Variants in DLGAP4 observed in about 807,000 individuals in gnomAD.
DLGAP4 encodes disks large-associated protein 4.
Under a neutral mutation model 86.9 loss-of-function variants are expected in DLGAP4, and 18 were observed. The ratio of observed to expected loss-of-function variants is 0.21; its 90% CI spans 0.14 to 0.31. The LOEUF (loss-of-function observed/expected upper bound fraction) is 0.31, where lower values mean the gene tolerates loss of function less well. DLGAP4 is among the 10% of genes least tolerant of loss of function. The pLI is 1.00. For missense variants in DLGAP4, 1,085 were observed against 1,362.6 expected, an observed-to-expected ratio of 0.80 and a Z score of 3.21; for synonymous variants, 548 against 574.3, an observed-to-expected ratio of 0.95 and a Z score of 0.65.
chr20:36,523,205 A>G (rs781480775), intron 10 of DLGAP4, among the ~76,000 whole-genome samples: 1 of 152,056 alleles, frequency 6.6e-6, no homozygotes, highest in Non-Finnish European at 1.5e-5. Context: ...GATGCGCACT[A>G]GCACACCCAG....
intron 7 of DLGAP4, chr20:36,461,639 CCG>C: frequency 1.1e-6 from 1 of 924,918 alleles, no homozygotes; most frequent in Non-Finnish European, 1.3e-6. Flanking sequence ...AGCCGCGGCC[CCG>C]CGAGGAGACG....
intron 2 of DLGAP4, among the ~76,000 whole-genome samples, chr20:36,403,020 A>C (rs975314627): frequency 6.6e-6 from 1 of 152,214 alleles, no homozygotes; most frequent in Non-Finnish European, 1.5e-5. Context: ...AGAAAAGAGG[A>C]CAGAAAGAGG....
intron 10 of DLGAP4, among the ~76,000 whole-genome samples, chr20:36,517,335 G>A (rs1454326158): frequency 8.5e-5 from 13 of 152,080 alleles, no homozygotes; most frequent in South Asian, 2.1e-4. Flanking sequence ...CTGAGATTGC[G>A]CCACTGCACT....
intron 7 of DLGAP4, among the ~76,000 whole-genome samples, chr20:36,467,024 CTCT>C (rs2034418786): frequency 4.3e-5 from 1 of 23,154 alleles, no homozygotes; most frequent in Non-Finnish European, 1.5e-4. Flanking sequence ...TCTCCTCTCT[CTCT>C]CTCTCTCTCT....
intron 2 of DLGAP4, among the ~76,000 whole-genome samples, chr20:36,394,326 G>A (rs999780863): frequency 3.8e-4 from 58 of 152,288 alleles, no homozygotes; most frequent in East Asian, 1.9e-4. Flanking sequence ...CTGAGGAAGC[G>A]CTGGCTGGAT....
chr20:36,376,840 A>C (rs1283243872), intron 2 of DLGAP4, among the ~76,000 whole-genome samples: 2 of 152,152 alleles, frequency 1.3e-5, no homozygotes, highest in African/African-American at 4.8e-5. Context: ...AGAGGTGATG[A>C]TAGTGCTGCC....
At position 36,431,867 on chromosome 20, in the gene DLGAP4, C is replaced by G. The variant is rs376682966; in HGVS notation, c.150C>G (p.Asn50Lys). Reference sequence around the variant, plus strand: ...GCGAGGCCCGCTTCCCCGGGCAGAACACCCTGCCAGGAGATGGCCTCTTTC... The same window carrying G: ...GCGAGGCCCGCTTCCCCGGGCAGAAGACCCTGCCAGGAGATGGCCTCTTTC... Reference protein sequence around the residue: ...FAREARFPGQNTLPGDGLFPL... With the variant: ...FAREARFPGQKTLPGDGLFPL... The change falls in exon 3 of 13, where the codon AAC becomes AAG. Residue 50 changes from asparagine (N) to lysine (K), a missense_variant. Asn to Lys is a moderately conservative substitution (Grantham distance 94). Around this residue, in one of 2 missense-constraint regions of DLGAP4, gnomAD observed 1,082 missense variants for 1,344.1 expected, o/e 0.81. Transcript: ENST00000339266. This position sits in a 1 kb window ranked among gnomAD's most constrained non-coding sequence, Gnocchi z 5.1. 2 of 1,613,990 alleles carry G rather than the reference C, an allele frequency of 1.2e-6. No homozygotes were observed. The highest frequency in any genetic ancestry group is 2.2e-5 in the East Asian group (1 of 44,888).
At chr20:36,523,687 T>C (rs918626862) in intron 10 of DLGAP4, among the ~76,000 whole-genome samples, 1 of 152,154 alleles carries the variant, frequency 6.6e-6, no homozygotes, top group African/African-American at 2.4e-5. Flanking sequence ...ATTTTGAGAC[T>C]GAGTCTCCCT....
Position 36,432,574 on chromosome 20 carries a change from C to T in DLGAP4, c.857C>T (p.Thr286Ile), listed in dbSNP as rs781438100. ...TCPSLGVGTD[T>I]NYVKRGSWST... The stretch of plus-strand genomic sequence containing the variant: ...CCCAGCCTTGGGGTGGGCACTGACA[C>T]CAACTACGTCAAACGGGGCTCCTGG... Residue 286 changes from threonine to isoleucine, a missense_variant, in exon 3 of 13, where the codon ACC becomes ATC. Around this residue, in one of 2 missense-constraint regions of DLGAP4, gnomAD observed 1,082 missense variants for 1,344.1 expected, o/e 0.81. Transcript: ENST00000339266. The surrounding 1 kb of genome is among the most constrained non-coding windows in gnomAD (Gnocchi z 6.5). 2.5e-6 allele frequency: 4 copies of T among 1,610,824 alleles called. No individual in the cohort carries two copies. The African/African-American group carries it at 4.0e-5, about 16-fold the overall frequency.
intron 10 of DLGAP4, among the ~76,000 whole-genome samples, chr20:36,501,992 T>C (rs187753231): frequency 3.9e-5 from 6 of 152,322 alleles, no homozygotes; most frequent in African/African-American, 1.2e-4. Context: ...CCACTTTCAG[T>C]TTTTACTAGC....
At chr20:36,370,510 G>T (rs2030885530) in intron 2 of DLGAP4, among the ~76,000 whole-genome samples, 1 of 151,834 alleles carries the variant, frequency 6.6e-6, no homozygotes, top group African/African-American at 2.4e-5. Context: ...TAAAGGATAG[G>T]AGTGGGACGT....
chr20:36,436,815 CAA>C (rs556657516), intron 4 of DLGAP4, among the ~76,000 whole-genome samples: 6 of 110,372 alleles, frequency 5.4e-5, no homozygotes, highest in Admixed American at 9.9e-5. Flanking sequence ...GACTCCGTCT[CAA>C]AAAAAAAAAA....
rs557925339 is a variant in DLGAP4 at position 36,502,351 on chromosome 20, T to A, written c.2512+1740T>A. 1.8e-4 allele frequency among the ~76,000 whole-genome samples: 28 copies of A among 152,352 alleles called. No homozygotes were observed. In the South Asian group the frequency reaches 2.3e-3, roughly 12 times the overall value. On this transcript the variant is annotated intron_variant, in intron 10 of 12. Coordinates refer to ENST00000339266, the MANE Select transcript of DLGAP4 (RefSeq NM_001365621.2). ...AAAATACACTCCATTTGCTAAATTTTAAAAAAATTTTTTAAGAGACATGGC... is the reference window on the plus strand; with the variant it reads ...AAAATACACTCCATTTGCTAAATTTAAAAAAAATTTTTTAAGAGACATGGC...
chr20:36,323,313 C>T (rs1275784022), intron 1 of DLGAP4, among the ~76,000 whole-genome samples: 2 of 151,012 alleles, frequency 1.3e-5, no homozygotes, highest in African/African-American at 4.9e-5. Context: ...AAAGCCATAG[C>T]TTTGTTTTGT....
intron 6 of DLGAP4, among the ~76,000 whole-genome samples, chr20:36,444,806 A>C (rs1429050923): frequency 1.3e-5 from 2 of 150,790 alleles, no homozygotes; most frequent in East Asian, 4.0e-4. Flanking sequence ...ACGCTCGGCC[A>C]ATTTTGGGAT....
intron 2 of DLGAP4, among the ~76,000 whole-genome samples, chr20:36,386,562 G>T (rs1472901327): frequency 1.3e-5 from 2 of 152,116 alleles, no homozygotes; most frequent in East Asian, 1.9e-4. Flanking sequence ...AAACCCAGGG[G>T]TGTTGTTTGA....
In DLGAP4 at chr20:36,306,911, G is replaced by T. The variant is rs1289774121; in HGVS notation, c.-304+399G>T. On this transcript the variant is annotated intron_variant, in intron 1 of 12. Coordinates refer to ENST00000339266, the MANE Select transcript of DLGAP4 (RefSeq NM_001365621.2). The surrounding 1 kb of genome is among the most constrained non-coding windows in gnomAD (Gnocchi z 4.9). ...CCTCCTCAGGCCCGCCCCCTAATCC[G>T]CAGGGCGGCCTGGGGGTCAGGCGGA... Among the ~76,000 whole-genome samples, 1 of 152,112 alleles carries T rather than the reference G, an allele frequency of 6.6e-6. No individual in the cohort carries two copies. Among genetic ancestry groups the T allele is most frequent in the Non-Finnish European group, 1.5e-5 (1 of 68,012 alleles).
chr20:36,500,445 C>G lies in DLGAP4; in HGVS notation c.2346C>G (p.Pro782=). ...CGTCCTCGCTGCCCCCACCCGACCC[C>G]TGGCTCGAGACCTCCTCCAGCTCCC... The part of the protein sequence containing the change: ...LEASSLPPPD[P]WLETSSSSPA... The change falls in exon 10 of 13, where the codon CCC becomes CCG. Residue 782 remains proline (P), a synonymous_variant. Coordinates refer to ENST00000339266, the MANE Select transcript of DLGAP4 (RefSeq NM_001365621.2). The surrounding 1 kb of genome is among the most constrained non-coding windows in gnomAD (Gnocchi z 4.6). The G allele has an allele frequency of 6.3e-7, 1 of 1,579,690 alleles. No individual in the cohort carries two copies. Among genetic ancestry groups the G allele is most frequent in the Non-Finnish European group, 8.6e-7 (1 of 1,160,798 alleles).
intron 2 of DLGAP4, among the ~76,000 whole-genome samples, chr20:36,398,336 A>G (rs2032059150): frequency 6.6e-6 from 1 of 152,176 alleles, no homozygotes. Flanking sequence ...AGGCTAGGAG[A>G]CAAGATGGGA....
Sources: gnomAD v4.1 joint callset for allele counts (sites outside exome capture counted in the v4.1 genomes callset) on GRCh38, gnomAD v4.1.1 for gene constraint, gnomAD v4.1.1 regional missense constraint, Gnocchi (gnomAD v3.1) non-coding constraint, MANE v1.5 for transcripts, NCBI Gene and HGNC (gene_info 2026-07-23, HGNC 2026-07-21) for gene names.